Variants in ZNF84 observed in about 807,000 individuals in gnomAD.
ZNF84 encodes zinc finger protein HPF2.
In ZNF84, 12 loss-of-function variants were observed where a neutral mutation model predicts 14.8. The observed-to-expected ratio is 0.81, with a 90% CI of 0.52 to 1.31. The LOEUF is 1.31. Among genes scored for constraint, ZNF84 ranks in the 50% most tolerant of loss-of-function variants. The pLI, the probability that ZNF84 is intolerant of heterozygous loss-of-function variation, is 0.00. For synonymous variants in ZNF84, 347 were observed against 291.1 expected (o/e 1.19, Z -1.96); for missense variants, 859 against 878.6 (o/e 0.98, Z 0.28).
intron 2 of ZNF84, among the ~76,000 whole-genome samples, chr12:133,046,404 C>T (rs962457633): frequency 1.5e-5 from 2 of 134,484 alleles, no homozygotes; most frequent in African/African-American, 5.7e-5. Context: ...TGCTGCCTCC[C>T]AGAATGTCTT....
chr12:133,039,813 T>C (rs1360851809), intron 1 of ZNF84, among the ~76,000 whole-genome samples: 1 of 152,034 alleles, frequency 6.6e-6, no homozygotes, highest in Non-Finnish European at 1.5e-5. Context: ...ACATTAAATG[T>C]ATTCAATTTG....
Position 133,063,232 on chromosome 12 carries a change from A to T in ZNF84, c.*4300A>T, listed in dbSNP as rs1210036404. 1 of 702,292 alleles carries T rather than the reference A, an allele frequency of 1.4e-6. No homozygotes were observed. Among genetic ancestry groups the T allele is most frequent in the East Asian group, 2.7e-5 (1 of 37,284 alleles). The allele number at this position is 702,292 out of a possible 1,614,324, so 43.5% of individuals were successfully genotyped here. On this transcript the variant is annotated 3_prime_UTR_variant, in exon 5 of 5. Transcript: ENST00000539354. ...GTTCAGGTCCACCTCTGCCCTTTTC[A>T]TGTCTTGATTGTTGAATTCTTCTGT...
intron 2 of ZNF84, among the ~76,000 whole-genome samples, chr12:133,042,896 C>T (rs1953910433): frequency 6.6e-6 from 1 of 152,180 alleles, no homozygotes; most frequent in Non-Finnish European, 1.5e-5. Context: ...ATTCTTAGCC[C>T]AGATGAGTCC....
At position 133,057,139 on chromosome 12, in the gene ZNF84, G is replaced by C. The variant is rs2137417860; in HGVS notation, c.424G>C (p.Asp142His). The change falls in exon 5 of 5, where the codon GAT becomes CAT. Residue 142 changes from aspartate to histidine, a missense_variant. Coordinates refer to ENST00000539354, the MANE Select transcript of ZNF84 (RefSeq NM_001289971.2). ...TGGATTGATTTTAAAACATCATTTA[G>C]ATTTGCTTATTCCAAAAGGAGATTA... ...LDGLILKHHL[D>H]LLIPKGDYGK... is the part of the protein sequence containing the mutation. The C allele has an allele frequency of 1.2e-6, 2 of 1,611,692 alleles. No individual in the cohort carries two copies. Among genetic ancestry groups the C allele is most frequent in the South Asian group, 2.2e-5 (2 of 90,248 alleles).
intron 4 of ZNF84, among the ~76,000 whole-genome samples, chr12:133,055,681 G>A (rs1954142210): frequency 6.6e-6 from 1 of 152,120 alleles, no homozygotes; most frequent in African/African-American, 2.4e-5. Flanking sequence ...AATATTACTT[G>A]AACAAAGTAA....
Position 133,048,951 on chromosome 12 carries a change from G to A in ZNF84, c.238+103G>A. On this transcript the variant is annotated intron_variant, in intron 4 of 4. Transcript: ENST00000539354. ...GTGATGGGTGGGCTGGTCAGTGATG[G>A]GTTGGCTGGTCAGTGACGGGTGGGC... is the stretch of plus-strand genomic sequence containing the variant. 3 of 900,920 alleles carry A rather than the reference G, an allele frequency of 3.3e-6. No individual in the cohort carries two copies. In the South Asian group the frequency reaches 4.8e-5, roughly 14 times the overall value. The allele number at this position is 900,920 out of a possible 1,614,324, so 55.8% of individuals were successfully genotyped here.
intron 2 of ZNF84, among the ~76,000 whole-genome samples, chr12:133,045,257 C>T (rs376654084): frequency 2.6e-5 from 4 of 151,926 alleles, no homozygotes; most frequent in Non-Finnish European, 2.9e-5. Flanking sequence ...GATCACCTGA[C>T]GTCAGGAGTT....
chr12:133,046,966 A>ATATATTATATTATG (rs1953993462), intron 2 of ZNF84, among the ~76,000 whole-genome samples: 20 of 113,756 alleles, frequency 1.8e-4, no homozygotes, highest in African/African-American at 5.5e-4. Flanking sequence ...ATTATGTATT[A>ATATATTATATTATG]TATTATTTAT....
rs963298266 is a variant in ZNF84, at chr12:133,060,330, G to T, written c.*1398G>T. The T allele has an allele frequency of 4.6e-5, 7 of 152,250 alleles. No individual in the cohort carries two copies. The highest frequency in any genetic ancestry group is 3.9e-4 in the Admixed American group (6 of 15,284). 9.4% of individuals were successfully genotyped at this position (152,250 alleles called of 1,614,324 possible). On this transcript the variant is annotated 3_prime_UTR_variant, in exon 5 of 5. Coordinates refer to ENST00000539354, the MANE Select transcript of ZNF84 (RefSeq NM_001289971.2). Reference sequence around the variant, plus strand: ...AATTTTGTGCTGGAAAAACATTTTTGACATTCAAGGATGCCTATTTTATCT... The same window carrying T: ...AATTTTGTGCTGGAAAAACATTTTTTACATTCAAGGATGCCTATTTTATCT...
At chr12:133,044,578 AT>A in intron 2 of ZNF84, among the ~76,000 whole-genome samples, 1 of 151,972 alleles carries the variant, frequency 6.6e-6, no homozygotes, top group East Asian at 1.9e-4. Context: ...ATTAATTCAG[AT>A]TTTGTTTCTT....
chr12:133,047,839 C>T (rs1227438670), intron 2 of ZNF84, 116 bp from the exon 3 acceptor site: 11 of 1,125,636 alleles, frequency 9.8e-6, no homozygotes, highest in Non-Finnish European at 1.2e-5. Flanking sequence ...AAGGTAGAGA[C>T]ATAGTAGGCA....
At chr12:133,040,294 T>G (rs1305054407) in intron 1 of ZNF84, 2 of 151,926 alleles carry the variant, frequency 1.3e-5, no homozygotes, top group South Asian at 2.1e-4. Context: ...AGGTGTGGTG[T>G]TGTATGCCTA....
rs1017211519 is a variant in ZNF84, at chr12:133,060,146, T to A, written c.*1214T>A. On this transcript the variant is annotated 3_prime_UTR_variant, in exon 5 of 5. Transcript: ENST00000539354. ...ATATATATATGTATCTTAAGTGATA[T>A]GTAACCCAAATGTCACTATTTTAAT... The A allele has an allele frequency of 1.3e-5, 2 of 152,206 alleles. No individual in the cohort carries two copies. The highest frequency in any genetic ancestry group is 3.8e-4 in the East Asian group (2 of 5,200). The allele number at this position is 152,206 out of a possible 1,614,324, so 9.4% of individuals were successfully genotyped here.
intron 4 of ZNF84, among the ~76,000 whole-genome samples, chr12:133,052,547 C>T (rs1954089689): frequency 6.6e-6 from 1 of 152,146 alleles, no homozygotes; most frequent in African/African-American, 2.4e-5. Flanking sequence ...GTGGTCCAGG[C>T]TCCTCTGAAA....
intron 4 of ZNF84, among the ~76,000 whole-genome samples, chr12:133,051,278 T>A (rs1450159008): frequency 6.6e-6 from 1 of 152,114 alleles, no homozygotes; most frequent in Admixed American, 6.5e-5. Context: ...GCATAACACT[T>A]AGTTAAGAAG....
Position 133,061,079 on chromosome 12 carries a change from A to G in ZNF84, c.*2147A>G, listed in dbSNP as rs1954255376. ...TTTAAATAAATGAATAATTTTCTAA[A>G]CCAGAATACCAGTTCAACAGCCAAA... On this transcript the variant is annotated 3_prime_UTR_variant, in exon 5 of 5. Coordinates refer to ENST00000539354, the MANE Select transcript of ZNF84 (RefSeq NM_001289971.2). 6.6e-6 allele frequency: 1 copy of G among 152,232 alleles called. No homozygotes were observed. The highest frequency in any genetic ancestry group is 1.5e-5 in the Non-Finnish European group (1 of 68,046). The allele number at this position is 152,232 out of a possible 1,614,324, so 9.4% of individuals were successfully genotyped here.
intron 4 of ZNF84, among the ~76,000 whole-genome samples, chr12:133,052,684 C>A (rs1954092310): frequency 6.6e-6 from 1 of 152,144 alleles, no homozygotes; most frequent in Non-Finnish European, 1.5e-5. Context: ...AGGGTCCTAC[C>A]CTTATGACCT....
intron 3 of ZNF84, 59 bp from the exon 4 acceptor site, chr12:133,048,694 T>C (rs1253444098): frequency 2.3e-5 from 31 of 1,328,704 alleles, no homozygotes; most frequent in Non-Finnish European, 3.1e-5. Context: ...TGCTCAACTT[T>C]AGAGGCCCTA....
chr12:133,043,899 A>G (rs1414375183), intron 2 of ZNF84, among the ~76,000 whole-genome samples: 1 of 150,816 alleles, frequency 6.6e-6, no homozygotes, highest in African/African-American at 2.4e-5. Context: ...GATTACAGGT[A>G]TGCCACCACA....
Sources: allele counts gnomAD v4.1 joint callset (sites outside exome capture counted in the v4.1 genomes callset), GRCh38; gene constraint gnomAD v4.1.1; transcripts MANE v1.5; gene names NCBI Gene and HGNC (gene_info 2026-07-23, HGNC 2026-07-21).